NFIL3: variants seen among roughly 807,000 people sequenced by gnomAD.
NFIL3 encodes the protein nuclear factor interleukin-3-regulated protein.
In NFIL3, 5 loss-of-function variants were observed where a neutral mutation model predicts 10.0. The ratio of observed to expected loss-of-function variants is 0.50; its 90% CI spans 0.26 to 1.06. NFIL3 has a LOEUF of 1.06. Among genes scored for constraint, NFIL3 ranks in the 50% least tolerant of loss-of-function variants. The probability of loss-of-function intolerance (pLI) is 0.13; values close to 1 mark genes in which losing one functional copy is unlikely to be tolerated. For missense variants in NFIL3, 436 were observed against 547.6 expected (o/e 0.80, Z 2.03); for synonymous variants, 202 against 206.5 (o/e 0.98, Z 0.19).
the NFIL3 span, among the ~76,000 whole-genome samples, chr9:91,442,636 C>G: frequency 6.6e-6 from 1 of 152,150 alleles, no homozygotes; most frequent in African/African-American, 2.4e-5. Flanking sequence ...ACAGGCAGCT[C>G]CAGGTGCCAG....
the NFIL3 span, among the ~76,000 whole-genome samples, chr9:91,465,373 A>G: frequency 5.3e-5 from 8 of 152,232 alleles, no homozygotes; most frequent in Middle Eastern, 3.4e-3. Context: ...TGTATTGTGT[A>G]TACTGGTGAG....
the NFIL3 span, among the ~76,000 whole-genome samples, chr9:91,467,441 G>A: frequency 1.3e-5 from 2 of 152,076 alleles, no homozygotes; most frequent in African/African-American, 4.8e-5. Context: ...ATATAAGAAA[G>A]CAATTGACTT....
the NFIL3 span, among the ~76,000 whole-genome samples, chr9:91,435,719 C>G: frequency 6.6e-6 from 1 of 152,190 alleles, no homozygotes; most frequent in African/African-American, 2.4e-5. Flanking sequence ...CAGTGGTCAA[C>G]CAGGGTCCCT....
chr9:91,414,422 T>A (rs1481236321), intron 1 of NFIL3, among the ~76,000 whole-genome samples: 1 of 152,114 alleles, frequency 6.6e-6, no homozygotes, highest in African/African-American at 2.4e-5. Context: ...GAGATGGGGT[T>A]TAGTAGAGAT....
At chr9:91,426,991 C>G (rs1257028228), upstream of NFIL3, 1 of 151,932 alleles carries the variant, frequency 6.6e-6, no homozygotes, top group African/African-American at 2.4e-5. Flanking sequence ...AAGTGACCCA[C>G]TGAAGAAGAC....
chr9:91,428,279 G>A (rs991928969), upstream of NFIL3, among the ~76,000 whole-genome samples: 6 of 150,816 alleles, frequency 4.0e-5, no homozygotes, highest in African/African-American at 1.5e-4. Flanking sequence ...TTTTCCTTTG[G>A]CCTTTCTCCA....
the NFIL3 span, among the ~76,000 whole-genome samples, chr9:91,465,347 A>G: frequency 3.9e-5 from 6 of 152,082 alleles, no homozygotes; most frequent in East Asian, 1.9e-4. Flanking sequence ...TTAAACCTCA[A>G]TGATTCTGTC....
the NFIL3 span, among the ~76,000 whole-genome samples, chr9:91,477,297 G>A: frequency 1.3e-5 from 2 of 152,174 alleles, no homozygotes; most frequent in Admixed American, 1.3e-4. Flanking sequence ...GCGACAGGGA[G>A]TCCCTCACAT....
chr9:91,438,752 T>G, the NFIL3 span, among the ~76,000 whole-genome samples: 1 of 152,162 alleles, frequency 6.6e-6, no homozygotes, highest in Admixed American at 6.5e-5. Context: ...CTAGCCCCAT[T>G]TATTAGAGAG....
the NFIL3 span, among the ~76,000 whole-genome samples, chr9:91,446,689 CATATTAGTGGAATCATACA>C: frequency 6.6e-6 from 1 of 152,110 alleles, no homozygotes; most frequent in African/African-American, 2.4e-5. Flanking sequence ...TTAGGTATTT[CATATTAGTGGAATCATACA>C]ATATACGTGC....
chr9:91,469,430 G>A, the NFIL3 span, among the ~76,000 whole-genome samples: 2 of 152,152 alleles, frequency 1.3e-5, no homozygotes, highest in African/African-American at 4.8e-5. Context: ...GAGGTTTTGG[G>A]CTGAGACGAT....
chr9:91,461,000 G>C, the NFIL3 span, among the ~76,000 whole-genome samples: 7 of 152,324 alleles, frequency 4.6e-5, no homozygotes, highest in Admixed American at 4.6e-4. Context: ...CAATGAGTAA[G>C]ACGCTTTTGT....
At chr9:91,412,313 T>C (rs533686020) in intron 1 of NFIL3, among the ~76,000 whole-genome samples, 25 of 152,258 alleles carry the variant, frequency 1.6e-4, no homozygotes, top group African/African-American at 4.6e-4. Context: ...TCCTCTTCCA[T>C]TGATGAAATA....
intron 1 of NFIL3, among the ~76,000 whole-genome samples, chr9:91,412,806 C>A (rs1339489664): frequency 6.7e-6 from 1 of 149,922 alleles, no homozygotes. Flanking sequence ...GAGCCAAGAT[C>A]GCGCCATTGC....
At chr9:91,474,096 T>TC in the NFIL3 span, among the ~76,000 whole-genome samples, 1 of 151,680 alleles carries the variant, frequency 6.6e-6, no homozygotes. Flanking sequence ...GTTTTTTTTT[T>TC]TTAATCAAGT....
chr9:91,436,383 C>T, the NFIL3 span, among the ~76,000 whole-genome samples: 1 of 152,144 alleles, frequency 6.6e-6, no homozygotes, highest in Admixed American at 6.5e-5. Flanking sequence ...TAGAGACCAT[C>T]CCGGCTAACA....
the NFIL3 span, among the ~76,000 whole-genome samples, chr9:91,460,271 C>CTT: frequency 1.1e-3 from 74 of 70,406 alleles, 4 homozygotes; most frequent in East Asian, 2.6e-3. Flanking sequence ...GGGCTTGGTT[C>CTT]TTTTTTTTTT....
chr9:91,409,667 G>A lies in NFIL3; in HGVS notation c.1068C>T (p.Asp356=). The A allele has an allele frequency of 6.2e-7, 1 of 1,614,214 alleles. No homozygotes were observed. The highest frequency in any genetic ancestry group is 1.1e-5 in the South Asian group (1 of 91,088). Residue 356 remains aspartate (D), a synonymous_variant, in exon 2 of 2, where the codon GAC becomes GAT. Transcript: ENST00000297689. ...EATQKLSSPI[D]MTSKRHFELE... ...GTTCGAAATGTCTTTTAGATGTCAT[G>A]TCAATAGGTGAGGAAAGTTTTTGCG... is the stretch of plus-strand genomic sequence containing the variant.
At chr9:91,434,430 T>C in the NFIL3 span, among the ~76,000 whole-genome samples, 8 of 152,184 alleles carry the variant, frequency 5.3e-5, no homozygotes, top group African/African-American at 1.7e-4. Flanking sequence ...GGCTAGACCT[T>C]CATCTCATTC....
Sources: gnomAD v4.1 joint callset for allele counts (sites outside exome capture counted in the v4.1 genomes callset) on GRCh38, gnomAD v4.1.1 for gene constraint, MANE v1.5 for transcripts, NCBI Gene and HGNC (gene_info 2026-07-23, HGNC 2026-07-21) for gene names.